Variants in INAVA observed in about 807,000 individuals in gnomAD.
INAVA encodes innate immunity activator.
In INAVA, 32 loss-of-function variants were observed where a neutral mutation model predicts 55.3. That is an observed-to-expected ratio of 0.58 (90% confidence interval 0.44 to 0.78). The LOEUF (loss-of-function observed/expected upper bound fraction) is 0.78, where lower values mean the gene tolerates loss of function less well. INAVA is among the 30% of genes least tolerant of loss of function. The probability of loss-of-function intolerance (pLI) is 0.00; values close to 1 mark genes in which losing one functional copy is unlikely to be tolerated. For missense variants in INAVA, 756 were observed against 786.4 expected, an observed-to-expected ratio of 0.96 and a Z score of 0.46; for synonymous variants, 294 against 329.4, an observed-to-expected ratio of 0.89 and a Z score of 1.16.
In INAVA at chr1:200,911,948, C is replaced by A; in HGVS notation, c.1455C>A (p.Ser485=). 6.5e-7 allele frequency: 1 copy of A among 1,548,820 alleles called. No homozygotes were observed. ...PSRSRIVRTP[S]LKDSPAGRGL... is the part of the protein sequence containing the mutation. ...GCAGCCGCATCGTGCGGACGCCCTC[C>A]CTGAAGGACAGCCCGGCAGGCCGGG... The change falls in exon 9 of 10, where the codon TCC becomes TCA. Residue 485 remains serine (S), a synonymous_variant. Coordinates refer to ENST00000413687, the MANE Select transcript of INAVA (RefSeq NM_001142569.3).
rs780653126 is a variant in INAVA, at chr1:200,900,077, C to G, written c.181-27C>G. The G allele has an allele frequency of 3.2e-6, 5 of 1,582,470 alleles. No individual in the cohort carries two copies. In the East Asian group the frequency reaches 1.1e-4, roughly 36 times the overall value. On this transcript the variant is annotated intron_variant, in intron 3 of 9. Transcript: ENST00000413687. ...GCCAAGTCTGGGCAGGTGGAGAGGA[C>G]CTGGCTGGTCTCTGCTTCCTCCCCA...
chr1:200,896,413 G>T (rs1049104169), intron 1 of INAVA, among the ~76,000 whole-genome samples: 2 of 152,080 alleles, frequency 1.3e-5, no homozygotes, highest in African/African-American at 4.8e-5. Flanking sequence ...TTATCTCTAC[G>T]AGGGATAGAG....
intron 8 of INAVA, among the ~76,000 whole-genome samples, chr1:200,910,800 C>T (rs1191692749): frequency 1.3e-5 from 2 of 152,138 alleles, no homozygotes; most frequent in East Asian, 3.9e-4. Context: ...TGCCTTTGTG[C>T]AAATTAGGAA....
chr1:200,913,122 C>G (rs1653817662), intron 9 of INAVA, among the ~76,000 whole-genome samples: 1 of 152,214 alleles, frequency 6.6e-6, no homozygotes, highest in Non-Finnish European at 1.5e-5. Context: ...GTTCTTTGGA[C>G]TGCAGCTGGC....
At position 200,911,856 on chromosome 1, in the gene INAVA, G is replaced by A. The variant is rs766204092; in HGVS notation, c.1363G>A (p.Ala455Thr). Residue 455 changes from alanine (A) to threonine (T), a missense_variant, in exon 9 of 10, where the codon GCA (alanine) becomes ACA (threonine). Physicochemically the swap from Ala to Thr is moderately conservative, Grantham distance 58. Around this residue, in one of 2 missense-constraint regions of INAVA, gnomAD observed 639 missense variants for 624.3 expected, o/e 1.02. Transcript: ENST00000413687. ...GCCTGGCGAGTGGGAGCTGCGCCGC[G>A]CAGCCCCGGGCCCTGCTTACGAGGA... Reference protein sequence around the residue: ...LPPGEWELRRAAPGPAYEEEG... With the variant: ...LPPGEWELRRTAPGPAYEEEG... 6 of 1,592,750 alleles carry A rather than the reference G, an allele frequency of 3.8e-6. No homozygotes were observed. The highest frequency in any genetic ancestry group is 4.3e-6 in the Non-Finnish European group (5 of 1,175,652).
intron 5 of INAVA, chr1:200,906,547 C>T (rs1280899635): frequency 2.0e-5 from 3 of 150,062 alleles, no homozygotes; most frequent in Admixed American, 2.0e-4. Context: ...AATCTGAAGG[C>T]TTAAGTTTCT....
At chr1:200,903,429 A>G (rs1450342929) in intron 5 of INAVA, among the ~76,000 whole-genome samples, 1 of 151,954 alleles carries the variant, frequency 6.6e-6, no homozygotes, top group Non-Finnish European at 1.5e-5. Flanking sequence ...GCCCAGGATC[A>G]AGGGAGCCGA....
At chr1:200,909,424 G>A (rs754429911) in intron 8 of INAVA, 27 bp downstream of exon 8, 36 of 1,537,764 alleles carry the variant, frequency 2.3e-5, no homozygotes, top group Non-Finnish European at 2.8e-5. Context: ...CCAGAGAGAT[G>A]GGGGACCCAC....
Position 200,908,968 on chromosome 1 carries a change from C to G in INAVA, c.785+28C>G. The G allele has an allele frequency of 4.4e-6, 7 of 1,589,308 alleles. No homozygotes were observed. In the South Asian group the frequency reaches 6.8e-5, roughly 15 times the overall value. ...CAGGATCAGGGGGAAGGGAGAAGGG[C>G]AGGGCAGGGCAGGGAGTCGGTGGGA... is the stretch of plus-strand genomic sequence containing the variant. On this transcript the variant is annotated intron_variant, in intron 7 of 9. Transcript: ENST00000413687.
upstream of INAVA, among the ~76,000 whole-genome samples, chr1:200,893,129 T>C (rs529855302): frequency 6.6e-6 from 1 of 152,346 alleles, no homozygotes; most frequent in African/African-American, 2.4e-5. Flanking sequence ...CACAGTAGCA[T>C]TGGCAGTACC....
In INAVA at chr1:200,899,713, T is replaced by C. The variant is rs752197455; in HGVS notation, c.180+116T>C. 325 of 1,450,142 alleles carry C rather than the reference T, an allele frequency of 2.2e-4. 1 individual carries two copies. Among genetic ancestry groups the C allele is most frequent in the Non-Finnish European group, 2.8e-4 (306 of 1,080,042 alleles). The allele number at this position is 1,450,142 out of a possible 1,614,324, so 89.8% of individuals were successfully genotyped here. A position where few individuals can be genotyped will look rare whatever the true frequency, so the allele number is the denominator to read the frequency against. ...CCCATTCTTGAGGGAATTCTGGACA[T>C]CAGGCTGGGGGCTGGGGCCCAGAGT... On this transcript the variant is annotated intron_variant, in intron 3 of 9. Coordinates refer to ENST00000413687, the MANE Select transcript of INAVA (RefSeq NM_001142569.3).
chr1:200,902,790 C>T (rs192820549), intron 5 of INAVA, among the ~76,000 whole-genome samples: 1 of 152,346 alleles, frequency 6.6e-6, no homozygotes, highest in East Asian at 1.9e-4. Context: ...CCGGGGCTGC[C>T]ATTGCTGGGA....
chr1:200,893,954 TG>T (rs1668285386), upstream of INAVA, among the ~76,000 whole-genome samples: 1 of 106,240 alleles, frequency 9.4e-6, no homozygotes, highest in Non-Finnish European at 1.9e-5. Flanking sequence ...GATCAGAGAG[TG>T]GGGGGAAAGG....
intron 2 of INAVA, 120 bp downstream of exon 2, chr1:200,898,575 G>A (rs1653066940): frequency 8.7e-7 from 1 of 1,150,112 alleles, no homozygotes; most frequent in South Asian, 1.5e-5. Flanking sequence ...GACTCCCAAG[G>A]GCTGAGAGGA....
Position 200,912,086 on chromosome 1 carries a change from C to T in INAVA, c.1593C>T (p.Ser531=), listed in dbSNP as rs1248532492. The change falls in exon 9 of 10, where the codon AGC becomes AGT. Residue 531 remains serine, a synonymous_variant. Coordinates refer to ENST00000413687, the MANE Select transcript of INAVA (RefSeq NM_001142569.3). ...LDRQGAFRVR[S]LPLGREGFGR... is the part of the protein sequence containing the mutation. ...GCCAAGGAGCTTTCCGGGTCAGGAG[C>T]CTGCCCCTTGGGAGAGAGGGCTTCG... 6.5e-7 allele frequency: 1 copy of T among 1,549,136 alleles called. No homozygotes were observed. Among genetic ancestry groups the T allele is most frequent in the South Asian group, 1.2e-5 (1 of 84,048 alleles).
At position 200,900,114 on chromosome 1, in the gene INAVA, G is replaced by A. The variant is rs1653174703; in HGVS notation, c.191G>A (p.Gly64Asp). Reference protein sequence around the residue: ...RLCLREAELTGTLPAEYPLKP... With the variant: ...RLCLREAELTDTLPAEYPLKP... ...CTGCTTCCTCCCCAGGAGCTGACGG[G>A]CACCTTGCCAGCGGAGTATCCCCTC... Residue 64 changes from glycine (G) to aspartate (D), a missense_variant, in exon 4 of 10, where the codon GGC (glycine) becomes GAC (aspartate). This residue lies in a region of INAVA where 639 missense variants were observed against 624.3 expected (regional missense o/e 1.02). Coordinates refer to ENST00000413687, the MANE Select transcript of INAVA (RefSeq NM_001142569.3). 6.2e-7 allele frequency: 1 copy of A among 1,612,644 alleles called. No homozygotes were observed. Among genetic ancestry groups the A allele is most frequent in the Non-Finnish European group, 8.5e-7 (1 of 1,179,250 alleles).
chr1:200,909,338 C>G lies in INAVA; in HGVS notation c.900C>G (p.Arg300=). ...GTGTTCCTGGCCAGTGGCAGGGCCG[C>G]ACCAGTGCCCCAGCCACCCCTGAGA... The part of the protein sequence containing the change: ...IRGVPGQWQG[R]TSAPATPEIQ... The change falls in exon 8 of 10, where the codon CGC becomes CGG. Residue 300 remains arginine, a synonymous_variant. Coordinates refer to ENST00000413687, the MANE Select transcript of INAVA (RefSeq NM_001142569.3). 1.2e-6 allele frequency: 2 copies of G among 1,610,850 alleles called. No individual in the cohort carries two copies. The highest frequency in any genetic ancestry group is 1.7e-6 in the Non-Finnish European group (2 of 1,178,556).
At chr1:200,913,058 T>C (rs1403164736) in intron 9 of INAVA, among the ~76,000 whole-genome samples, 1 of 152,194 alleles carries the variant, frequency 6.6e-6, no homozygotes, top group African/African-American at 2.4e-5. Flanking sequence ...AAGCTGCTTC[T>C]TTGAGACCCC....
intron 9 of INAVA, among the ~76,000 whole-genome samples, chr1:200,912,451 C>G (rs1653794572): frequency 6.6e-6 from 1 of 152,186 alleles, no homozygotes; most frequent in Admixed American, 6.5e-5. Flanking sequence ...GCAGATAAGC[C>G]TCTTCATAAT....
Sources: gnomAD v4.1 joint callset for allele counts (sites outside exome capture counted in the v4.1 genomes callset) on GRCh38, gnomAD v4.1.1 for gene constraint, gnomAD v4.1.1 regional missense constraint, MANE v1.5 for transcripts, NCBI Gene and HGNC (gene_info 2026-07-23, HGNC 2026-07-21) for gene names.